Variants in TRIM23 observed in about 807,000 individuals in gnomAD.
TRIM23 encodes tripartite motif containing 23.
In TRIM23, 27 loss-of-function variants were observed where a neutral mutation model predicts 71.0. The observed-to-expected ratio is 0.38, with a 90% confidence interval of 0.28 to 0.52. TRIM23 has a LOEUF of 0.52. Among genes scored for constraint, TRIM23 ranks in the 20% least tolerant of loss-of-function variants. TRIM23 has a pLI of 0.84. For synonymous variants in TRIM23, 234 were observed against 238.0 expected (o/e 0.98, Z 0.16); for missense variants, 482 against 692.3 (o/e 0.70, Z 3.41).
At chr5:65,607,322 T>C (rs1397414000) in intron 6 of TRIM23, among the ~76,000 whole-genome samples, 1 of 152,240 alleles carries the variant, frequency 6.6e-6, no homozygotes, top group Non-Finnish European at 1.5e-5. Context: ...TGGCTCCGTG[T>C]CCTCACCCAA....
intron 1 of TRIM23, 136 bp downstream of exon 1, chr5:65,624,058 G>C (rs1413639586): frequency 4.3e-6 from 4 of 938,566 alleles, no homozygotes; most frequent in Admixed American, 4.7e-5. Context: ...GACAGGACGA[G>C]ACTTGTAATG....
chr5:65,623,805 A>G (rs1263131543), intron 1 of TRIM23, among the ~76,000 whole-genome samples: 1 of 152,192 alleles, frequency 6.6e-6, no homozygotes, highest in Non-Finnish European at 1.5e-5. Flanking sequence ...TCTACTTCAT[A>G]AGTAGATATT....
chr5:65,604,922 T>A lies in TRIM23; in HGVS notation c.1168A>T (p.Thr390Ser), dbSNP rs566017947. The change falls in exon 7 of 11, where the codon ACT becomes TCT. Residue 390 changes from threonine to serine, a missense_variant. Thr to Ser is a moderately conservative substitution (Grantham distance 58). Around this residue, in one of 2 missense-constraint regions of TRIM23, gnomAD observed 307 missense variants for 495.8 expected, o/e 0.62. Coordinates refer to ENST00000231524, the MANE Select transcript of TRIM23 (RefSeq NM_001656.4). ...GTACAGTACATTACCTTTGTAAAAGTGACAGGGATGCTGGCATCCAACTGA... is the reference window on the plus strand; with the variant it reads ...GTACAGTACATTACCTTTGTAAAAGAGACAGGGATGCTGGCATCCAACTGA... The part of the protein sequence containing the change: ...HIQLDASIPV[T>S]FTKDNRVHIG... 2 of 1,613,086 alleles carry A rather than the reference T, an allele frequency of 1.2e-6. No individual in the cohort carries two copies. Among genetic ancestry groups the A allele is most frequent in the South Asian group, 2.2e-5 (2 of 90,834 alleles).
intron 7 of TRIM23, among the ~76,000 whole-genome samples, chr5:65,602,590 G>GTACCAAT (rs1161927310): frequency 6.6e-6 from 1 of 151,992 alleles, no homozygotes; most frequent in East Asian, 1.9e-4. Context: ...CACTCTACTG[G>GTACCAAT]TACCAATTTA....
chr5:65,606,091 T>C (rs897551984), intron 6 of TRIM23, among the ~76,000 whole-genome samples: 2 of 152,160 alleles, frequency 1.3e-5, no homozygotes, highest in Admixed American at 1.3e-4. Context: ...CCTTTTAACA[T>C]ATAAGATTAA....
At chr5:65,620,693 G>C (rs1310523125) in intron 1 of TRIM23, among the ~76,000 whole-genome samples, 1 of 152,178 alleles carries the variant, frequency 6.6e-6, no homozygotes, top group Non-Finnish European at 1.5e-5. Context: ...CTGGGGAACA[G>C]CTATCCACGT....
intron 7 of TRIM23, among the ~76,000 whole-genome samples, chr5:65,599,505 A>T (rs1159892890): frequency 6.6e-6 from 1 of 152,244 alleles, no homozygotes; most frequent in Non-Finnish European, 1.5e-5. Context: ...AACCACTATT[A>T]CTTTTGCACC....
intron 6 of TRIM23, among the ~76,000 whole-genome samples, chr5:65,605,825 G>C (rs1038664434): frequency 6.6e-6 from 1 of 152,168 alleles, no homozygotes; most frequent in Non-Finnish European, 1.5e-5. Context: ...ACTCATGTTA[G>C]TTGACAGCAA....
At chr5:65,596,680 AC>A in intron 8 of TRIM23, 149 bp from the exon 9 acceptor site, 1 of 618,918 alleles carries the variant, frequency 1.6e-6, no homozygotes, top group Non-Finnish European at 2.8e-6. Context: ...CCCCATTCCT[AC>A]TCCTACGTGG....
chr5:65,603,858 T>C (rs1363427701), intron 7 of TRIM23, among the ~76,000 whole-genome samples: 1 of 152,170 alleles, frequency 6.6e-6, no homozygotes, highest in Non-Finnish European at 1.5e-5. Context: ...AAAAAATTGT[T>C]TTGAAAACAA....
At chr5:65,612,355 G>A (rs1427060760) in intron 3 of TRIM23, among the ~76,000 whole-genome samples, 2 of 152,166 alleles carry the variant, frequency 1.3e-5, no homozygotes, top group African/African-American at 4.8e-5. Context: ...AGAATTAGCT[G>A]TAAGCTTTTA....
chr5:65,607,757 T>C (rs1754545697), intron 6 of TRIM23, among the ~76,000 whole-genome samples: 1 of 152,214 alleles, frequency 6.6e-6, no homozygotes, highest in South Asian at 2.1e-4. Flanking sequence ...TACTTTTAAG[T>C]GTTCAAGTAA....
At position 65,599,150 on chromosome 5, in the gene TRIM23, TCTTGTATGTAGAAAACC is replaced by T. The variant is rs551052746; in HGVS notation, c.1180-1987_1180-1971del. On this transcript the variant is annotated intron_variant, in intron 7 of 10. Coordinates refer to ENST00000231524, the MANE Select transcript of TRIM23 (RefSeq NM_001656.4). The stretch of plus-strand genomic sequence containing the variant: ...TTATATCTCTTCACAGATGACATGA[TCTTGTATGTAGAAAACC>T]CTGAAGAGTCCACACAAAAAGACCT... 8.0e-3 allele frequency among the ~76,000 whole-genome samples: 1,219 copies of T among 152,284 alleles called. 6 individuals are homozygous for T. The highest frequency in any genetic ancestry group is 0.024 in the Middle Eastern group (7 of 294).
At chr5:65,600,484 T>TAGAG (rs1754331599) in intron 7 of TRIM23, among the ~76,000 whole-genome samples, 1 of 151,956 alleles carries the variant, frequency 6.6e-6, no homozygotes, top group African/African-American at 2.4e-5. Context: ...TTATGTATCT[T>TAGAG]ACACCACCTA....
chr5:65,605,679 AACTTTCCAGTTTC>A (rs1184482903), intron 6 of TRIM23, among the ~76,000 whole-genome samples: 2 of 152,220 alleles, frequency 1.3e-5, no homozygotes, highest in Non-Finnish European at 2.9e-5. Flanking sequence ...CAAAGTCAAG[AACTTTCCAGTTTC>A]TTGAATATTA....
Position 65,609,311 on chromosome 5 carries a change from C to A in TRIM23, c.976G>T (p.Glu326Ter). The change falls in exon 6 of 11, where the codon GAA (glutamate) becomes TAA (stop). Residue 326 changes from glutamate to a stop codon, truncating the protein, a stop_gained. Coordinates refer to ENST00000231524, the MANE Select transcript of TRIM23 (RefSeq NM_001656.4). LOFTEE classifies it high-confidence loss of function. ...EKLIWLRQQQ[E>*]DMTILLSEVS... is the part of the protein sequence containing the mutation. ...TCTGACAACAAAATAGTCATATCTT[C>A]TTGTTGCTGCCTGAGCCAAATCAAT... The A allele has an allele frequency of 6.2e-7, 1 of 1,614,192 alleles. No individual in the cohort carries two copies. Among genetic ancestry groups the A allele is most frequent in the Non-Finnish European group, 8.5e-7 (1 of 1,180,044 alleles).
At chr5:65,613,763 G>A in intron 3 of TRIM23, 3 of 1,227,808 alleles carry the variant, frequency 2.4e-6, no homozygotes, top group Non-Finnish European at 2.1e-6. Context: ...TTTTACTGTT[G>A]ACTACTTTTG....
chr5:65,601,365 C>T (rs553653273), intron 7 of TRIM23, among the ~76,000 whole-genome samples: 34 of 152,330 alleles, frequency 2.2e-4, no homozygotes, highest in Non-Finnish European at 4.6e-4. Context: ...ATTAGACTTA[C>T]AGTTCCACAT....
In TRIM23 at chr5:65,590,117, G is replaced by A. The variant is rs1388832918; in HGVS notation, c.*1652C>T. On this transcript the variant is annotated 3_prime_UTR_variant, in exon 11 of 11. Transcript: ENST00000231524. ...AAAGTTTAGCAAAATTAGTGAAAAG[G>A]GAAGCAAGTTCACCTTAGTGTTACA... 8.9e-6 allele frequency: 4 copies of A among 450,146 alleles called. No individual in the cohort carries two copies. The highest frequency in any genetic ancestry group is 1.6e-5 in the Non-Finnish European group (4 of 244,864). The allele number at this position is 450,146 out of a possible 1,614,324, so 27.9% of individuals were successfully genotyped here. A position where few individuals can be genotyped will look rare whatever the true frequency, so the allele number is the denominator to read the frequency against.
Sources: allele counts gnomAD v4.1 joint callset (sites outside exome capture counted in the v4.1 genomes callset), GRCh38; gene constraint gnomAD v4.1.1; regional missense constraint gnomAD v4.1.1; transcripts MANE v1.5; gene names NCBI Gene and HGNC (gene_info 2026-07-23, HGNC 2026-07-21).